HGSNAT: variants seen among roughly 807,000 people sequenced by gnomAD.
HGSNAT encodes heparan-alpha-glucosaminide N-acetyltransferase.
Under a neutral mutation model 85.2 loss-of-function variants are expected in HGSNAT, and 59 were observed. The ratio of observed to expected loss-of-function variants is 0.69; its 90% CI spans 0.56 to 0.86. The LOEUF (loss-of-function observed/expected upper bound fraction) is 0.86, where lower values mean the gene tolerates loss of function less well. Among genes scored for constraint, HGSNAT ranks in the 40% least tolerant of loss-of-function variants. HGSNAT has a pLI of 0.00. For synonymous variants in HGSNAT, 321 were observed against 304.5 expected (o/e 1.05, Z -0.56); for missense variants, 756 against 777.1 (o/e 0.97, Z 0.32).
rs950394184 is a variant in HGSNAT at position 43,197,578 on chromosome 8, C to T, written c.1543-94C>T. The T allele has an allele frequency of 7.0e-5, 62 of 889,792 alleles. No homozygotes were observed. The African/African-American group carries it at 7.9e-4, about 11-fold the overall frequency. The allele number at this position is 889,792 out of a possible 1,614,324, so 55.1% of individuals were successfully genotyped here. ...AAGGCACAAGTTTCAGCCCTCTCTA[C>T]GTGATTAAATAACTAATATATATTG... On this transcript the variant is annotated intron_variant, in intron 15 of 17. Transcript: ENST00000379644.
chr8:43,140,709 C>T (rs1802491949), intron 1 of HGSNAT, 95 bp downstream of exon 1: 4 of 545,614 alleles, frequency 7.3e-6, no homozygotes, highest in Non-Finnish European at 5.0e-6. Flanking sequence ...GCGCCGAGCG[C>T]TAGGCCGGGC....
At chr8:43,172,734 T>C (rs991912393) in intron 8 of HGSNAT, among the ~76,000 whole-genome samples, 2 of 152,218 alleles carry the variant, frequency 1.3e-5, no homozygotes, top group Non-Finnish European at 2.9e-5. Flanking sequence ...CACCATGCTC[T>C]TGGGGGCTCT....
At chr8:43,190,854 C>G (rs1804503730) in intron 11 of HGSNAT, among the ~76,000 whole-genome samples, 1 of 152,154 alleles carries the variant, frequency 6.6e-6, no homozygotes. Flanking sequence ...GTCTGTAATT[C>G]TGGAAGGTTT....
At chr8:43,182,567 CTAA>C (rs1804168203) in intron 11 of HGSNAT, among the ~76,000 whole-genome samples, 2 of 152,134 alleles carry the variant, frequency 1.3e-5, no homozygotes, top group South Asian at 2.1e-4. Context: ...CCTCAGTCTC[CTAA>C]TTAGCTGGGA....
chr8:43,167,934 T>C, intron 5 of HGSNAT: 1 of 275,834 alleles, frequency 3.6e-6, no homozygotes, highest in South Asian at 3.0e-5. Context: ...TTTTTTTTTT[T>C]TTGAGACAGA....
At position 43,192,343 on chromosome 8, in the gene HGSNAT, G is replaced by A. The variant is rs748987930; in HGVS notation, c.1290G>A (p.Lys430=). 3 of 1,610,964 alleles carry A rather than the reference G, an allele frequency of 1.9e-6. No individual in the cohort carries two copies. The highest frequency in any genetic ancestry group is 4.5e-5 in the East Asian group (2 of 44,874). ...LGPGGIGDFG[K]YPNCTGGAAG... ...CTGGGGGCATTGGAGATTTTGGCAA[G>A]TATCCAAATTGCACTGGAGGAGCTG... The change falls in exon 13 of 18, where the codon AAG becomes AAA. Residue 430 remains lysine, a synonymous_variant. Transcript: ENST00000379644.
chr8:43,166,490 G>T (rs2130735246), intron 5 of HGSNAT, among the ~76,000 whole-genome samples: 1 of 152,304 alleles, frequency 6.6e-6, no homozygotes, highest in Non-Finnish European at 1.5e-5. Flanking sequence ...CTCTGTCTGT[G>T]CTCAATAAAT....
At chr8:43,163,273 T>A (rs948336792) in intron 5 of HGSNAT, among the ~76,000 whole-genome samples, 11 of 152,144 alleles carry the variant, frequency 7.2e-5, no homozygotes, top group Non-Finnish European at 7.3e-5. Context: ...AAACTACTCT[T>A]TGCACATGAT....
chr8:43,149,024 G>A (rs1348213128), intron 2 of HGSNAT, among the ~76,000 whole-genome samples: 1 of 151,906 alleles, frequency 6.6e-6, no homozygotes, highest in East Asian at 1.9e-4. Context: ...GCTGAGGCAG[G>A]AGAATCGTTT....
chr8:43,159,812 A>G (rs1391275034), intron 4 of HGSNAT, among the ~76,000 whole-genome samples: 1 of 152,152 alleles, frequency 6.6e-6, no homozygotes, highest in Non-Finnish European at 1.5e-5. Flanking sequence ...TCATTATCTA[A>G]TAACCCCACT....
intron 14 of HGSNAT, chr8:43,194,378 A>G (rs897958651): frequency 2.0e-6 from 2 of 984,254 alleles, no homozygotes; most frequent in African/African-American, 3.5e-5. Context: ...TGGCTGGGCA[A>G]CAGAGTGAGA....
intron 7 of HGSNAT, among the ~76,000 whole-genome samples, chr8:43,171,733 A>G (rs1038201754): frequency 3.3e-5 from 5 of 152,240 alleles, no homozygotes; most frequent in African/African-American, 7.2e-5. Flanking sequence ...GGTCACAGAT[A>G]GACAGGAACT....
intron 10 of HGSNAT, 107 bp downstream of exon 10, chr8:43,178,341 A>G (rs1365863294): frequency 1.3e-5 from 10 of 773,014 alleles, no homozygotes; most frequent in Non-Finnish European, 2.0e-5. Context: ...CTGCAAATAG[A>G]ATAATCATTA....
rs1258122431 is a variant in HGSNAT, at chr8:43,200,838, A to G, written c.*1269A>G. Reference sequence around the variant, plus strand: ...GCTTCCACCCTCGCCACTCCATGGCAGCTTTTGGTCTGTTTCCGGCTCTGC... The same window carrying G: ...GCTTCCACCCTCGCCACTCCATGGCGGCTTTTGGTCTGTTTCCGGCTCTGC... On this transcript the variant is annotated 3_prime_UTR_variant, in exon 18 of 18. Transcript: ENST00000379644. The G allele has an allele frequency of 6.5e-6, 1 of 152,778 alleles. No homozygotes were observed. Among genetic ancestry groups the G allele is most frequent in the East Asian group, 1.9e-4 (1 of 5,210 alleles). 9.5% of individuals were successfully genotyped at this position (152,778 alleles called of 1,614,324 possible). A position where few individuals can be genotyped will look rare whatever the true frequency, so the allele number is the denominator to read the frequency against.
At chr8:43,166,076 C>A (rs189210084) in intron 5 of HGSNAT, among the ~76,000 whole-genome samples, 188 of 152,320 alleles carry the variant, frequency 1.2e-3, no homozygotes, top group African/African-American at 4.4e-3. Flanking sequence ...CTTTTCAGTT[C>A]TGTAGAGACT....
intron 13 of HGSNAT, among the ~76,000 whole-genome samples, chr8:43,193,123 T>C (rs10448065): frequency 0.87 from 133,059 of 152,176 alleles, 58,990 homozygotes; most frequent in Non-Finnish European, 0.96. Context: ...CCTGGAGAGG[T>C]AGCTCTCTTT....
chr8:43,158,658 G>C lies in HGSNAT; in HGVS notation c.318G>C (p.Gln106His). The change falls in exon 3 of 18, where the codon CAG (glutamine) becomes CAC (histidine). Residue 106 changes from glutamine to histidine, a missense_variant. Gln to His is a conservative substitution (Grantham distance 24). Transcript: ENST00000379644. ...CTGCAGCTGCCTCTGTCAGCACCCA[G>C]CACGGATCTATCCTGCAGCTGAACG... ...PSAAAASVST[Q>H]HGSILQLNDT... The C allele has an allele frequency of 6.2e-7, 1 of 1,613,950 alleles. No homozygotes were observed.
chr8:43,177,575 AAAAG>A (rs1368587591), intron 9 of HGSNAT, among the ~76,000 whole-genome samples: 1 of 151,834 alleles, frequency 6.6e-6, no homozygotes, highest in African/African-American at 2.4e-5. Context: ...AAAAAAAAAA[AAAAG>A]AGTAATTTAG....
chr8:43,172,288 T>C (rs1408345785), intron 7 of HGSNAT, 22 bp from the exon 8 acceptor site: 1 of 1,576,498 alleles, frequency 6.3e-7, no homozygotes, highest in Non-Finnish European at 8.7e-7. Context: ...CTGAAAGGCT[T>C]CTCTTTGTTG....
Sources: gnomAD v4.1 joint callset for allele counts (sites outside exome capture counted in the v4.1 genomes callset) on GRCh38, gnomAD v4.1.1 for gene constraint, MANE v1.5 for transcripts, NCBI Gene and HGNC (gene_info 2026-07-23, HGNC 2026-07-21) for gene names.